Variants in SHOX2 observed in about 807,000 individuals in gnomAD.
The protein encoded by SHOX2 is SHOX homeobox 2.
SHOX2 carries 13 observed loss-of-function variants against 31.3 expected under a neutral mutation model. The ratio of observed to expected loss-of-function variants is 0.42; its 90% CI spans 0.27 to 0.66. The LOEUF is 0.66. SHOX2 is among the 30% of genes least tolerant of loss of function. The pLI is 0.27. For missense variants in SHOX2, 473 were observed against 443.0 expected, an observed-to-expected ratio of 1.07 and a Z score of -0.61; for synonymous variants, 244 against 196.2, an observed-to-expected ratio of 1.24 and a Z score of -2.04.
chr3:158,105,139 G>T, intron 1 of SHOX2: 1 of 1,528,174 alleles, frequency 6.5e-7, no homozygotes, highest in Non-Finnish European at 8.9e-7. Flanking sequence ...CCTTGAAAGA[G>T]AATGGGAAGT....
chr3:158,106,086 T>G lies in SHOX2; in HGVS notation c.-62A>C. ...AGCAGAGCCCCGCTCTTTTTTTCCTTCTTCTTTTTTTACTGCTCCAGCCCC... is the reference window on the plus strand; with the variant it reads ...AGCAGAGCCCCGCTCTTTTTTTCCTGCTTCTTTTTTTACTGCTCCAGCCCC... On this transcript the variant is annotated 5_prime_UTR_variant, in exon 1 of 5. Transcript: ENST00000483851. 3.1e-6 allele frequency: 5 copies of G among 1,599,756 alleles called. No homozygotes were observed. In the East Asian group the frequency reaches 1.2e-4, roughly 37 times the overall value.
chr3:158,100,325 G>T lies in SHOX2; in HGVS notation c.556-14C>A, dbSNP rs779230991. The T allele has an allele frequency of 5.7e-5, 90 of 1,574,266 alleles. No individual in the cohort carries two copies. The highest frequency in any genetic ancestry group is 7.0e-5 in the Non-Finnish European group (82 of 1,168,120). On this transcript the variant is annotated splice_polypyrimidine_tract_variant and intron_variant, in intron 2 of 4. Coordinates refer to ENST00000483851, the MANE Select transcript of SHOX2 (RefSeq NM_001163678.2). ...TTGAAACCAAACCTATAGGTTGGAG[G>T]GGGAAAAAAAATAAAACCTAGATGT...
intron 4 of SHOX2, 25 bp from the exon 5 acceptor site, chr3:158,098,309 G>T (rs775579422): frequency 6.2e-7 from 1 of 1,610,676 alleles, no homozygotes; most frequent in Non-Finnish European, 8.5e-7. Flanking sequence ...GCGTCACGTT[G>T]CAATGACTAT....
At chr3:158,100,775 G>C (rs758197795) in intron 2 of SHOX2, among the ~76,000 whole-genome samples, 3 of 152,234 alleles carry the variant, frequency 2.0e-5, no homozygotes, top group Non-Finnish European at 1.5e-5. Flanking sequence ...GAGGTAATTA[G>C]TGTCATAAAA....
In SHOX2 at chr3:158,096,091, A is replaced by G. The variant is rs910972767; in HGVS notation, c.*1936T>C. 1.3e-5 allele frequency: 2 copies of G among 152,700 alleles called. No individual in the cohort carries two copies. The highest frequency in any genetic ancestry group is 2.4e-5 in the African/African-American group (1 of 41,476). The allele number at this position is 152,700 out of a possible 1,614,324, so 9.5% of individuals were successfully genotyped here. A position where few individuals can be genotyped will look rare whatever the true frequency, so the allele number is the denominator to read the frequency against. Reference sequence around the variant, plus strand: ...TTGGCACTTATTTAAAAGGTTTAACAGAATTGGAGGCGACACATTTTGTAC... The same window carrying G: ...TTGGCACTTATTTAAAAGGTTTAACGGAATTGGAGGCGACACATTTTGTAC... On this transcript the variant is annotated 3_prime_UTR_variant, in exon 5 of 5. Coordinates refer to ENST00000483851, the MANE Select transcript of SHOX2 (RefSeq NM_001163678.2).
intron 2 of SHOX2, 65 bp from the exon 3 acceptor site, chr3:158,100,376 C>T: frequency 8.3e-7 from 1 of 1,210,824 alleles, no homozygotes; most frequent in Non-Finnish European, 1.2e-6. Context: ...TTTTAAATTA[C>T]AAAAGTACAA....
intron 1 of SHOX2, chr3:158,105,023 T>TCCCCCCCCCCCACCCCCCCCCCC: frequency 4.9e-6 from 1 of 204,910 alleles, no homozygotes; most frequent in Non-Finnish European, 9.0e-6. Flanking sequence ...GATCCCCACC[T>TCCCCCCCCCCCACCCCCCCCCCC]CCCCCGCCGC....
Position 158,105,678 on chromosome 3 carries a change from C to A in SHOX2, c.346+1G>T. 6.6e-7 allele frequency: 1 copy of A among 1,523,814 alleles called. No homozygotes were observed. The highest frequency in any genetic ancestry group is 8.8e-7 in the Non-Finnish European group (1 of 1,137,692). 94.4% of individuals were successfully genotyped at this position (1,523,814 alleles called of 1,614,324 possible). ...CTGCCGGGGGTCAGTCAGGTCGTTACCCTCCGTCAGTCGCGGGCTGCCCGG... is the reference window on the plus strand; with the variant it reads ...CTGCCGGGGGTCAGTCAGGTCGTTAACCTCCGTCAGTCGCGGGCTGCCCGG... On this transcript the variant is annotated splice_donor_variant, in intron 1 of 4. Coordinates refer to ENST00000483851, the MANE Select transcript of SHOX2 (RefSeq NM_001163678.2). LOFTEE classifies it high-confidence loss of function.
chr3:158,103,312 C>T (rs894967966), intron 1 of SHOX2: 4 of 240,964 alleles, frequency 1.7e-5, no homozygotes, highest in Admixed American at 1.5e-4. Context: ...GACATAAGGG[C>T]GCGGCAAGGC....
intron 1 of SHOX2, chr3:158,105,157 C>A (rs1031697587): frequency 5.5e-6 from 8 of 1,448,686 alleles, no homozygotes; most frequent in Admixed American, 2.0e-5. Flanking sequence ...AGTTTTGGCC[C>A]CTAAGATCCA....
chr3:158,105,585 C>A, intron 1 of SHOX2, 94 bp downstream of exon 1: 1 of 1,175,066 alleles, frequency 8.5e-7, no homozygotes. Flanking sequence ...GTGTCCCTCT[C>A]CCCTCCCCGC....
intron 2 of SHOX2, among the ~76,000 whole-genome samples, chr3:158,101,100 C>T (rs185617772): frequency 6.6e-6 from 1 of 152,296 alleles, no homozygotes. Context: ...AACTTGACAA[C>T]TTTTACAGGC....
intron 2 of SHOX2, among the ~76,000 whole-genome samples, chr3:158,101,417 T>C (rs897497070): frequency 6.6e-5 from 10 of 152,238 alleles, no homozygotes; most frequent in African/African-American, 1.2e-4. Context: ...ATTAAGATAC[T>C]AATAATCATA....
intron 1 of SHOX2, chr3:158,104,993 A>T: frequency 2.3e-6 from 2 of 875,030 alleles, no homozygotes; most frequent in Non-Finnish European, 3.7e-6. Context: ...TGAAAACACT[A>T]AAGGAATTGT....
In SHOX2 at chr3:158,098,165, G is replaced by A. The variant is rs146212890; in HGVS notation, c.822C>T (p.Leu274=). 15 of 1,613,360 alleles carry A rather than the reference G, an allele frequency of 9.3e-6. No individual in the cohort carries two copies. The highest frequency in any genetic ancestry group is 6.7e-5 in the African/African-American group (5 of 74,906). The change falls in exon 5 of 5, where the codon CTC becomes CTT. Residue 274 remains leucine (L), a synonymous_variant. Coordinates refer to ENST00000483851, the MANE Select transcript of SHOX2 (RefSeq NM_001163678.2). ...MFPAPPFGLP[L]ATLAADSASA... is the part of the protein sequence containing the mutation. The stretch of plus-strand genomic sequence containing the variant: ...AAGCCGAATCCGCGGCCAGCGTGGC[G>A]AGCGGCAGTCCGAAGGGCGGTGCTG...
At chr3:158,103,094 T>G in intron 1 of SHOX2, 1 of 613,912 alleles carries the variant, frequency 1.6e-6, no homozygotes, top group Non-Finnish European at 2.9e-6. Context: ...AAAGGTCAAG[T>G]CTGAGCGGCC....
chr3:158,105,506 G>A (rs1047298209), intron 1 of SHOX2, among the ~76,000 whole-genome samples, 173 bp downstream of exon 1: 4 of 149,900 alleles, frequency 2.7e-5, no homozygotes, highest in African/African-American at 7.4e-5. Context: ...CCATGACCGA[G>A]CATACCACCG....
chr3:158,101,647 T>C (rs1028318203), intron 2 of SHOX2, among the ~76,000 whole-genome samples: 2 of 152,156 alleles, frequency 1.3e-5, no homozygotes, highest in Admixed American at 6.5e-5. Flanking sequence ...GAATTGTGCA[T>C]AGTTCGCTAC....
chr3:158,100,336 A>G, intron 2 of SHOX2, 25 bp from the exon 3 acceptor site: 1 of 1,565,240 alleles, frequency 6.4e-7, no homozygotes, highest in Non-Finnish European at 8.6e-7. Context: ...GGGAAAAAAA[A>G]TAAAACCTAG....
Sources: gnomAD v4.1 joint callset for allele counts (sites outside exome capture counted in the v4.1 genomes callset) on GRCh38, gnomAD v4.1.1 for gene constraint, MANE v1.5 for transcripts, NCBI Gene and HGNC (gene_info 2026-07-23, HGNC 2026-07-21) for gene names.